Variants in LYPLAL1 observed in about 807,000 individuals in gnomAD.
The protein encoded by LYPLAL1 is lysophospholipase-like protein 1.
A neutral mutation model predicts 19.7 loss-of-function variants in LYPLAL1; 23 were observed. The ratio of observed to expected loss-of-function variants is 1.17; its 90% CI spans 0.84 to 1.65. LYPLAL1 has a LOEUF of 1.65. Ranked by LOEUF, LYPLAL1 falls within the 40% of genes most tolerant of loss-of-function variation. The pLI is 0.00. For missense variants in LYPLAL1, 355 were observed against 279.4 expected, an observed-to-expected ratio of 1.27 and a Z score of -1.93; for synonymous variants, 119 against 96.3, an observed-to-expected ratio of 1.24 and a Z score of -1.38.
chr1:219,278,623 A>G, the LYPLAL1 span, among the ~76,000 whole-genome samples: 1 of 152,210 alleles, frequency 6.6e-6, no homozygotes, highest in African/African-American at 2.4e-5. Context: ...AGTCAGTGAA[A>G]TTCTTTCTTA....
At chr1:219,174,184 G>A in intron 1 of LYPLAL1, 2 of 1,420,002 alleles carry the variant, frequency 1.4e-6, no homozygotes, top group South Asian at 1.5e-5. Context: ...TTTCTATCGG[G>A]CGGTCACTGG....
the LYPLAL1 span, among the ~76,000 whole-genome samples, chr1:219,444,618 A>C: frequency 6.6e-6 from 1 of 152,228 alleles, no homozygotes; most frequent in Non-Finnish European, 1.5e-5. Flanking sequence ...TTATCTCCTA[A>C]AGGGAATAGC....
chr1:219,245,218 TTCCTTCCTTCCTTC>T, the LYPLAL1 span, among the ~76,000 whole-genome samples: 4 of 123,038 alleles, frequency 3.3e-5, no homozygotes, highest in Admixed American at 1.7e-4. Context: ...CCTTCCTTCC[TTCCTTCCTTCCTTC>T]CTTCTACAGT....
intron 3 of LYPLAL1, among the ~76,000 whole-genome samples, chr1:219,200,757 C>CTTGATTATAGAAGATATTATAA: frequency 6.6e-6 from 1 of 152,296 alleles, no homozygotes; most frequent in East Asian, 1.9e-4. Flanking sequence ...AAGTTTATCA[C>CTTGATTATAGAAGATATTATAA]TTGATTATAG....
chr1:219,328,625 A>G, the LYPLAL1 span, among the ~76,000 whole-genome samples: 1 of 152,318 alleles, frequency 6.6e-6, no homozygotes, highest in South Asian at 2.1e-4. Context: ...CACGCTCACA[A>G]ATGGAACCAC....
the LYPLAL1 span, among the ~76,000 whole-genome samples, chr1:219,390,050 A>G: frequency 2.0e-5 from 3 of 151,274 alleles, no homozygotes; most frequent in Admixed American, 1.3e-4. Context: ...CAATTTTTAC[A>G]TTTGGTTCTT....
At chr1:219,370,177 A>G in the LYPLAL1 span, among the ~76,000 whole-genome samples, 1 of 152,172 alleles carries the variant, frequency 6.6e-6, no homozygotes, top group African/African-American at 2.4e-5. Flanking sequence ...TGGGGTGTCC[A>G]GTTTTCCAGC....
At chr1:219,378,869 T>C in the LYPLAL1 span, among the ~76,000 whole-genome samples, 1 of 152,126 alleles carries the variant, frequency 6.6e-6, no homozygotes. Context: ...AGCTTTTGAG[T>C]TCTGAACTCA....
the LYPLAL1 span, among the ~76,000 whole-genome samples, chr1:219,324,518 G>T: frequency 6.6e-6 from 1 of 152,256 alleles, no homozygotes; most frequent in Non-Finnish European, 1.5e-5. Flanking sequence ...ATTTAATAAA[G>T]GCAGCAGCTA....
chr1:219,202,459 C>G (rs1279869178), intron 3 of LYPLAL1, among the ~76,000 whole-genome samples: 1 of 152,018 alleles, frequency 6.6e-6, no homozygotes, highest in African/African-American at 2.4e-5. Flanking sequence ...TTTCATTGCT[C>G]CTAGATTATT....
intron 1 of LYPLAL1, among the ~76,000 whole-genome samples, chr1:219,174,766 C>T (rs1452596811): frequency 2.0e-5 from 3 of 152,122 alleles, no homozygotes; most frequent in Admixed American, 6.5e-5. Flanking sequence ...AGTGCTTGGC[C>T]CAGGGTAAGC....
the LYPLAL1 span, among the ~76,000 whole-genome samples, chr1:219,253,073 T>A: frequency 5.3e-5 from 8 of 152,066 alleles, no homozygotes; most frequent in African/African-American, 1.9e-4. Context: ...TTTGTGTGCA[T>A]AGAGGTGTTT....
the LYPLAL1 span, among the ~76,000 whole-genome samples, chr1:219,394,190 A>G: frequency 1.3e-5 from 2 of 152,158 alleles, no homozygotes; most frequent in Admixed American, 1.3e-4. Context: ...AAGAAGGAAT[A>G]ATTTTGTCTA....
the LYPLAL1 span, chr1:219,222,805 G>T: frequency 6.6e-6 from 1 of 152,142 alleles, no homozygotes; most frequent in African/African-American, 2.4e-5. Context: ...AGCAGATTTG[G>T]TGTCTGGCGA....
chr1:219,298,428 C>T, the LYPLAL1 span, among the ~76,000 whole-genome samples: 30 of 152,312 alleles, frequency 2.0e-4, no homozygotes, highest in African/African-American at 6.3e-4. Flanking sequence ...CTAAAGGAGG[C>T]GCTGAGGCTC....
chr1:219,207,493 A>G (rs1003700965), intron 3 of LYPLAL1, among the ~76,000 whole-genome samples: 1 of 152,036 alleles, frequency 6.6e-6, no homozygotes, highest in African/African-American at 2.4e-5. Context: ...AAATTAAATC[A>G]CCAAAAACCT....
the LYPLAL1 span, among the ~76,000 whole-genome samples, chr1:219,297,784 T>G: frequency 1.3e-5 from 2 of 152,270 alleles, no homozygotes; most frequent in South Asian, 4.2e-4. Flanking sequence ...ATAAAGAGGG[T>G]AGAAGGAACT....
the LYPLAL1 span, among the ~76,000 whole-genome samples, chr1:219,333,145 G>A: frequency 6.6e-6 from 1 of 151,838 alleles, no homozygotes; most frequent in Non-Finnish European, 1.5e-5. Context: ...GATTAGACTG[G>A]GACCCTTCGT....
the LYPLAL1 span, among the ~76,000 whole-genome samples, chr1:219,419,470 G>A: frequency 6.6e-6 from 1 of 151,288 alleles, no homozygotes; most frequent in Admixed American, 6.6e-5. Flanking sequence ...AAGGAATGCT[G>A]ATGATTTGGC....
Sources: gnomAD v4.1 joint callset for allele counts (sites outside exome capture counted in the v4.1 genomes callset) on GRCh38, gnomAD v4.1.1 for gene constraint, MANE v1.5 for transcripts, NCBI Gene and HGNC (gene_info 2026-07-23, HGNC 2026-07-21) for gene names.